MTG2: variants seen among roughly 807,000 people sequenced by gnomAD.
MTG2 encodes the protein mitochondrial ribosome associated GTPase 2.
MTG2 carries 23 observed loss-of-function variants against 28.6 expected under a neutral mutation model. That is an observed-to-expected ratio of 0.80 (90% CI 0.58 to 1.14). The LOEUF (loss-of-function observed/expected upper bound fraction) is 1.14. MTG2 is among the 50% of genes most tolerant of loss of function. MTG2 has a pLI of 0.00. For missense variants in MTG2, 539 were observed against 552.0 expected, an observed-to-expected ratio of 0.98 and a Z score of 0.24; for synonymous variants, 260 against 251.8, an observed-to-expected ratio of 1.03 and a Z score of -0.31.
chr20:62,188,052 A>G (rs2057882575), intron 1 of MTG2, among the ~76,000 whole-genome samples: 2 of 149,158 alleles, frequency 1.3e-5, no homozygotes, highest in African/African-American at 4.9e-5. Context: ...AATGGCGTGA[A>G]CCCGGGAGGC....
chr20:62,189,097 A>C (rs1296929790), intron 1 of MTG2, among the ~76,000 whole-genome samples: 1 of 152,156 alleles, frequency 6.6e-6, no homozygotes, highest in Non-Finnish European at 1.5e-5. Context: ...CCAAGACAGA[A>C]GGATCGCTTG....
At chr20:62,199,416 C>T in intron 6 of MTG2, 159 bp downstream of exon 6, 1 of 814,042 alleles carries the variant, frequency 1.2e-6, no homozygotes, top group Non-Finnish European at 1.8e-6. Flanking sequence ...GAGGCCGAGG[C>T]AGGCGGATCA....
At chr20:62,191,107 T>C (rs184923691) in intron 1 of MTG2, among the ~76,000 whole-genome samples, 19 of 152,132 alleles carry the variant, frequency 1.2e-4, no homozygotes, top group African/African-American at 3.6e-4. Context: ...AAGAGAAAAT[T>C]AGAATGACCC....
At chr20:62,199,758 G>A (rs764486969) in intron 6 of MTG2, among the ~76,000 whole-genome samples, 22 of 139,940 alleles carry the variant, frequency 1.6e-4, no homozygotes, top group Admixed American at 1.3e-3. Flanking sequence ...GCAGTGGTGC[G>A]ATCTCAGCTC....
intron 1 of MTG2, among the ~76,000 whole-genome samples, chr20:62,188,048 G>A (rs573433812): frequency 1.1e-4 from 17 of 150,878 alleles, no homozygotes; most frequent in Non-Finnish European, 2.1e-4. Flanking sequence ...GGAGAATGGC[G>A]TGAACCCGGG....
chr20:62,196,840 C>A (rs1487724535), intron 3 of MTG2, among the ~76,000 whole-genome samples: 1 of 151,662 alleles, frequency 6.6e-6, no homozygotes. Flanking sequence ...ACCAGCCTGG[C>A]CAACATGGTG....
intron 1 of MTG2, among the ~76,000 whole-genome samples, chr20:62,183,904 T>C (rs2057778055): frequency 6.6e-6 from 1 of 152,180 alleles, no homozygotes; most frequent in Non-Finnish European, 1.5e-5. Flanking sequence ...TTGGGAAGTC[T>C]GTGTAGGCGA....
intron 1 of MTG2, among the ~76,000 whole-genome samples, chr20:62,186,755 C>T (rs573194908): frequency 1.1e-4 from 17 of 152,050 alleles, no homozygotes; most frequent in Admixed American, 2.0e-4. Context: ...TCTTGAACTC[C>T]TGATCTCAAA....
chr20:62,194,251 G>A (rs2058018088), intron 2 of MTG2, among the ~76,000 whole-genome samples: 1 of 152,154 alleles, frequency 6.6e-6, no homozygotes, highest in Non-Finnish European at 1.5e-5. Flanking sequence ...GAAAATGCAC[G>A]TTTATGACTC....
intron 1 of MTG2, among the ~76,000 whole-genome samples, chr20:62,189,750 C>T (rs2057920250): frequency 6.7e-6 from 1 of 149,636 alleles, no homozygotes. Flanking sequence ...ACTGCAACCT[C>T]CGCCTCCCCG....
At chr20:62,198,072 A>G in intron 4 of MTG2, 105 bp downstream of exon 4, 3 of 870,948 alleles carry the variant, frequency 3.4e-6, no homozygotes, top group Admixed American at 2.2e-5. Context: ...TGATGCCCAC[A>G]GCTAGGAAAC....
chr20:62,198,877 A>G (rs1242906343), intron 5 of MTG2, 25 bp downstream of exon 5: 1 of 1,612,728 alleles, frequency 6.2e-7, no homozygotes, highest in Non-Finnish European at 8.5e-7. Flanking sequence ...TGCCAACAGC[A>G]TCTGCACACA....
intron 1 of MTG2, among the ~76,000 whole-genome samples, chr20:62,191,264 G>C (rs1336515946): frequency 6.6e-6 from 1 of 152,156 alleles, no homozygotes; most frequent in Non-Finnish European, 1.5e-5. Flanking sequence ...AGGCAGCCGG[G>C]ATAGGGACGC....
At chr20:62,193,843 C>T in intron 2 of MTG2, 1 of 558,532 alleles carries the variant, frequency 1.8e-6, no homozygotes, top group Non-Finnish European at 3.2e-6. Context: ...GCGCTGCGTG[C>T]TTGGAAAGCC....
Position 62,201,362 on chromosome 20 carries a change from T to G in MTG2, c.*285T>G. Reference sequence around the variant, plus strand: ...CCCTAATAAGGGGTTGGGGTGCCCATAACGGGGTGGCCCTGCCGCTGACTC... The same window carrying G: ...CCCTAATAAGGGGTTGGGGTGCCCAGAACGGGGTGGCCCTGCCGCTGACTC... On this transcript the variant is annotated 3_prime_UTR_variant, in exon 7 of 7. Transcript: ENST00000370823. 1 of 440,530 alleles carries G rather than the reference T, an allele frequency of 2.3e-6. No homozygotes were observed. Among genetic ancestry groups the G allele is most frequent in the Non-Finnish European group, 4.1e-6 (1 of 245,222 alleles). The allele number at this position is 440,530 out of a possible 1,614,324, so 27.3% of individuals were successfully genotyped here. A position where few individuals can be genotyped will look rare whatever the true frequency, so the allele number is the denominator to read the frequency against.
intron 2 of MTG2, among the ~76,000 whole-genome samples, chr20:62,194,528 G>A (rs1368418828): frequency 2.0e-5 from 3 of 152,074 alleles, no homozygotes; most frequent in Non-Finnish European, 4.4e-5. Flanking sequence ...AACAGTTCGT[G>A]GTTTTCCCAC....
chr20:62,201,108 C>CT lies in MTG2; in HGVS notation c.*32dup. 5.2e-6 allele frequency: 8 copies of CT among 1,543,924 alleles called. No individual in the cohort carries two copies. The highest frequency in any genetic ancestry group is 7.0e-6 in the Non-Finnish European group (8 of 1,151,060). ...CCAGAGCGGGGTCGCCTCTGGGCCTCTGTCTGAGCAAACCTGGGTGTGAAT... is the reference window on the plus strand; with the variant it reads ...CCAGAGCGGGGTCGCCTCTGGGCCTCTTGTCTGAGCAAACCTGGGTGTGAAT... On this transcript the variant is annotated 3_prime_UTR_variant, in exon 7 of 7. Coordinates refer to ENST00000370823, the MANE Select transcript of MTG2 (RefSeq NM_015666.4).
At chr20:62,199,484 A>T (rs913119565) in intron 6 of MTG2, among the ~76,000 whole-genome samples, 1 of 151,686 alleles carries the variant, frequency 6.6e-6, no homozygotes, top group Non-Finnish European at 1.5e-5. Context: ...TCTCTACTAA[A>T]AATACAAAAA....
Position 62,193,533 on chromosome 20 carries a change from G to A in MTG2, c.113G>A (p.Arg38Gln), listed in dbSNP as rs367991002. The change falls in exon 2 of 7, where the codon CGG (arginine) becomes CAG (glutamine). Residue 38 changes from arginine (R) to glutamine (Q), a missense_variant. Transcript: ENST00000370823. ...AAGCCCAGCCGGCTACTGCCACAGC[G>A]GGCTTCTCCCAGGCTGCTCTCGGTC... Reference protein sequence around the residue: ...GLKPSRLLPQRASPRLLSVGR... With the variant: ...GLKPSRLLPQQASPRLLSVGR... 12 of 1,614,008 alleles carry A rather than the reference G, an allele frequency of 7.4e-6. No homozygotes were observed. Among genetic ancestry groups the A allele is most frequent in the African/African-American group, 6.7e-5 (5 of 74,922 alleles).
Sources: gnomAD v4.1 joint callset for allele counts (sites outside exome capture counted in the v4.1 genomes callset) on GRCh38, gnomAD v4.1.1 for gene constraint, MANE v1.5 for transcripts, NCBI Gene and HGNC (gene_info 2026-07-23, HGNC 2026-07-21) for gene names.